The following RAP1GDS1 variants were observed in gnomAD, a reference collection of about 807,000 sequenced individuals.
RAP1GDS1 encodes Rap1 GTPase-GDP dissociation stimulator 1.
RAP1GDS1 carries 35 observed loss-of-function variants against 71.1 expected under a neutral mutation model. The ratio of observed to expected loss-of-function variants is 0.49; its 90% confidence interval spans 0.38 to 0.65. RAP1GDS1 has a LOEUF of 0.65. Ranked by LOEUF, RAP1GDS1 falls within the 30% of genes least tolerant of loss-of-function variation. RAP1GDS1 has a pLI of 0.00. For missense variants in RAP1GDS1, 663 were observed against 706.1 expected, an observed-to-expected ratio of 0.94 and a Z score of 0.69; for synonymous variants, 229 against 243.1, an observed-to-expected ratio of 0.94 and a Z score of 0.54.
intron 13 of RAP1GDS1, among the ~76,000 whole-genome samples, chr4:98,434,401 C>T (rs1750866061): frequency 6.6e-6 from 1 of 152,092 alleles, no homozygotes; most frequent in Admixed American, 6.5e-5. Context: ...GAAGAGTCTG[C>T]TACTCTCCCA....
At chr4:98,382,595 A>G (rs1051624467) in intron 5 of RAP1GDS1, among the ~76,000 whole-genome samples, 1 of 151,544 alleles carries the variant, frequency 6.6e-6, no homozygotes, top group African/African-American at 2.4e-5. Flanking sequence ...TTAGTTTGTT[A>G]TCTGTTTCCT....
intron 2 of RAP1GDS1, among the ~76,000 whole-genome samples, chr4:98,298,585 G>A (rs556287851): frequency 6.6e-6 from 1 of 152,272 alleles, no homozygotes; most frequent in African/African-American, 2.4e-5. Context: ...ATGGTTTACT[G>A]AATGTTTTAA....
chr4:98,437,106 T>C (rs767439511), intron 14 of RAP1GDS1, 38 bp downstream of exon 14: 6 of 1,519,196 alleles, frequency 3.9e-6, no homozygotes, highest in Non-Finnish European at 4.4e-6. Flanking sequence ...CATAAACATA[T>C]GGTTCACATT....
intron 5 of RAP1GDS1, among the ~76,000 whole-genome samples, chr4:98,386,922 T>C (rs1001585085): frequency 6.6e-6 from 1 of 152,158 alleles, no homozygotes; most frequent in Non-Finnish European, 1.5e-5. Context: ...TCATATCCTT[T>C]TTTGGAAATA....
chr4:98,323,148 A>G (rs1268116434), intron 2 of RAP1GDS1, among the ~76,000 whole-genome samples: 2 of 148,882 alleles, frequency 1.3e-5, no homozygotes, highest in Admixed American at 1.3e-4. Context: ...AAACACCTCT[A>G]TGCAAATAAA....
intron 7 of RAP1GDS1, among the ~76,000 whole-genome samples, chr4:98,407,397 C>T (rs950360676): frequency 6.6e-6 from 1 of 151,374 alleles, no homozygotes; most frequent in Non-Finnish European, 1.5e-5. Context: ...TTTTAAAAAG[C>T]AGAAGAAAAG....
intron 1 of RAP1GDS1, among the ~76,000 whole-genome samples, chr4:98,265,933 A>C (rs1391297950): frequency 6.6e-6 from 1 of 152,140 alleles, no homozygotes; most frequent in African/African-American, 2.4e-5. Flanking sequence ...TATGGAGGTC[A>C]GTTGTAAAGG....
intron 3 of RAP1GDS1, among the ~76,000 whole-genome samples, chr4:98,346,264 C>T (rs939685081): frequency 2.0e-5 from 3 of 152,108 alleles, no homozygotes; most frequent in African/African-American, 7.2e-5. Flanking sequence ...CGCCTGAGTG[C>T]TCTTAACAAC....
chr4:98,406,517 A>G (rs1351161962), intron 7 of RAP1GDS1, among the ~76,000 whole-genome samples: 1 of 152,088 alleles, frequency 6.6e-6, no homozygotes, highest in Admixed American at 6.5e-5. Flanking sequence ...ATCCCAAAAC[A>G]TACGGAGCAA....
intron 5 of RAP1GDS1, among the ~76,000 whole-genome samples, chr4:98,387,242 T>G (rs1263242553): frequency 6.6e-6 from 1 of 152,198 alleles, no homozygotes; most frequent in African/African-American, 2.4e-5. Flanking sequence ...CTTATAACAT[T>G]GTCTATAAGG....
Position 98,416,830 on chromosome 4 carries a change from AGAT to A in RAP1GDS1, c.853_855del (p.Asp285del). The A allele has an allele frequency of 1.4e-5, 22 of 1,614,046 alleles. No individual in the cohort carries two copies. Among genetic ancestry groups the A allele is most frequent in the Non-Finnish European group, 1.8e-5 (21 of 1,179,950 alleles). On this transcript the variant is annotated inframe_deletion, in exon 8 of 15. Coordinates refer to ENST00000408927, the MANE Select transcript of RAP1GDS1 (RefSeq NM_001100427.2). ...AGCAAAAAGTGGATAGTGACAAAGA[AGAT>A]GATATTACTGAGCTCAAAACTGGTT...
chr4:98,280,554 T>C (rs1724922549), intron 1 of RAP1GDS1, among the ~76,000 whole-genome samples: 1 of 152,250 alleles, frequency 6.6e-6, no homozygotes, highest in East Asian at 1.9e-4. Context: ...TCCCATTCTG[T>C]AGGTTGCCTG....
At chr4:98,322,746 G>C (rs1212212462) in intron 2 of RAP1GDS1, among the ~76,000 whole-genome samples, 2 of 123,650 alleles carry the variant, frequency 1.6e-5, no homozygotes, top group Non-Finnish European at 3.2e-5. Flanking sequence ...CAACATACCA[G>C]AATCTCTGGG....
chr4:98,308,285 T>C (rs565686027), intron 2 of RAP1GDS1, among the ~76,000 whole-genome samples: 15 of 113,948 alleles, frequency 1.3e-4, no homozygotes, highest in South Asian at 3.0e-4. Context: ...CACATATATA[T>C]ACACACACAC....
chr4:98,300,210 T>C (rs1000122272), intron 2 of RAP1GDS1, among the ~76,000 whole-genome samples: 1 of 152,026 alleles, frequency 6.6e-6, no homozygotes, highest in African/African-American at 2.4e-5. Flanking sequence ...CCTGATTAGG[T>C]GGTGGTTAGT....
At chr4:98,407,801 C>T (rs573056253) in intron 7 of RAP1GDS1, among the ~76,000 whole-genome samples, 22 of 151,726 alleles carry the variant, frequency 1.4e-4, no homozygotes, top group Non-Finnish European at 2.8e-4. Flanking sequence ...TAACCAAAAA[C>T]CACTTGTACC....
At chr4:98,270,855 A>G (rs1345418998) in intron 1 of RAP1GDS1, among the ~76,000 whole-genome samples, 1 of 152,110 alleles carries the variant, frequency 6.6e-6, no homozygotes, top group African/African-American at 2.4e-5. Context: ...GAGTGACTAT[A>G]ATAAGGATGA....
At chr4:98,368,244 G>A (rs1578613139) in intron 4 of RAP1GDS1, among the ~76,000 whole-genome samples, 2 of 152,100 alleles carry the variant, frequency 1.3e-5, no homozygotes, top group African/African-American at 4.8e-5. Flanking sequence ...CTTGCCTTCT[G>A]CCATGATTGT....
chr4:98,338,836 T>C (rs1455205946), intron 2 of RAP1GDS1, among the ~76,000 whole-genome samples: 2 of 152,246 alleles, frequency 1.3e-5, no homozygotes, highest in Admixed American at 1.3e-4. Flanking sequence ...TCATGAAACC[T>C]ATATGATAAT....
Sources: gnomAD v4.1 joint callset for allele counts (sites outside exome capture counted in the v4.1 genomes callset) on GRCh38, gnomAD v4.1.1 for gene constraint, MANE v1.5 for transcripts, NCBI Gene and HGNC (gene_info 2026-07-23, HGNC 2026-07-21) for gene names.